Variants in INO80 observed in about 807,000 individuals in gnomAD.
INO80 encodes chromatin-remodeling ATPase INO80.
In INO80, 20 loss-of-function variants were observed where a neutral mutation model predicts 203.4. The ratio of observed to expected loss-of-function variants is 0.10; its 90% CI spans 0.07 to 0.14. The LOEUF is 0.14. INO80 is among the 10% of genes least tolerant of loss of function. The probability of loss-of-function intolerance (pLI) is 1.00; values close to 1 mark genes in which losing one functional copy is unlikely to be tolerated. For synonymous variants in INO80, 726 were observed against 685.2 expected (o/e 1.06, Z -0.93); for missense variants, 1,419 against 1,914.4 (o/e 0.74, Z 4.83).
At chr15:41,075,494 G>A (rs1433425456) in intron 9 of INO80, among the ~76,000 whole-genome samples, 1 of 151,800 alleles carries the variant, frequency 6.6e-6, no homozygotes, top group Non-Finnish European at 1.5e-5. Context: ...TCCCTCTGTC[G>A]CCCAGGCTGG....
chr15:41,032,802 G>A (rs1054162671), intron 24 of INO80, among the ~76,000 whole-genome samples: 2 of 152,092 alleles, frequency 1.3e-5, no homozygotes, highest in African/African-American at 4.8e-5. Flanking sequence ...CACTCTGGGC[G>A]GCTGAGGAGG....
chr15:41,095,835 T>C lies in INO80; in HGVS notation c.237A>G (p.Ser79=), dbSNP rs751522980. Reference sequence around the variant, plus strand: ...CTGCTCCAGAAGTTTCACCAAGCAATGAATTTGGAGGTTCTTCCTTAACTT... The same window carrying C: ...CTGCTCCAGAAGTTTCACCAAGCAACGAATTTGGAGGTTCTTCCTTAACTT... The part of the protein sequence containing the change: ...LIQVKEEPPN[S]LLGETSGAGS... The change falls in exon 3 of 36, where the codon TCA becomes TCG. Residue 79 remains serine, a synonymous_variant. Coordinates refer to ENST00000648947, the MANE Select transcript of INO80 (RefSeq NM_017553.3). 5.0e-6 allele frequency: 8 copies of C among 1,614,002 alleles called. No individual in the cohort carries two copies. The highest frequency in any genetic ancestry group is 3.3e-4 in the Middle Eastern group (2 of 6,084).
intron 13 of INO80, 119 bp downstream of exon 13, chr15:41,070,348 C>T: frequency 2.2e-6 from 2 of 890,920 alleles, no homozygotes; most frequent in Non-Finnish European, 3.5e-6. Flanking sequence ...AGGCAAGAAC[C>T]CAGTCCCACT....
At chr15:41,031,938 CACAGCACAGCACAGCACAGCACAGG>C (rs2044482676) in intron 24 of INO80, among the ~76,000 whole-genome samples, 120 of 76,000 alleles carry the variant, frequency 1.6e-3, no homozygotes, top group African/African-American at 3.4e-3. Context: ...CACAGCACAG[CACAGCACAGCACAGCACAGCACAGG>C]ACAGCACAGC....
chr15:41,051,987 A>T (rs1055458673), intron 19 of INO80, among the ~76,000 whole-genome samples: 4 of 151,948 alleles, frequency 2.6e-5, no homozygotes, highest in Non-Finnish European at 4.4e-5. Context: ...AAAAAATAAA[A>T]AATTAGCCAG....
At chr15:41,111,387 A>G (rs990535327) in intron 1 of INO80, among the ~76,000 whole-genome samples, 7 of 152,180 alleles carry the variant, frequency 4.6e-5, no homozygotes, top group Non-Finnish European at 1.5e-5. Flanking sequence ...CAGAGGTTGC[A>G]GTGAGCCAAG....
At chr15:41,100,658 T>A (rs1252885503) in intron 1 of INO80, among the ~76,000 whole-genome samples, 1 of 152,090 alleles carries the variant, frequency 6.6e-6, no homozygotes, top group African/African-American at 2.4e-5. Flanking sequence ...CCACAAGAAG[T>A]CCTATGATGA....
In INO80 at chr15:41,095,931, A is replaced by G. The variant is rs1035413519; in HGVS notation, c.144-3T>C. ...CCAGTCCATCTTCACTGTCATCACT[A>G]TAAATTGAAGAATGAGTCCACAATT... On this transcript the variant is annotated splice_polypyrimidine_tract_variant and splice_region_variant and intron_variant, in intron 2 of 35. Coordinates refer to ENST00000648947, the MANE Select transcript of INO80 (RefSeq NM_017553.3). The G allele has an allele frequency of 2.5e-6, 4 of 1,612,358 alleles. No homozygotes were observed. The highest frequency in any genetic ancestry group is 1.7e-4 in the Middle Eastern group (1 of 6,060).
intron 4 of INO80, among the ~76,000 whole-genome samples, chr15:41,093,242 T>G (rs1303507050): frequency 6.6e-6 from 1 of 151,634 alleles, no homozygotes; most frequent in Non-Finnish European, 1.5e-5. Context: ...CTGGCTAACA[T>G]GGTGAAACCC....
At chr15:41,112,234 CAGA>C (rs2140718681) in intron 1 of INO80, among the ~76,000 whole-genome samples, 1 of 152,044 alleles carries the variant, frequency 6.6e-6, no homozygotes, top group East Asian at 1.9e-4. Context: ...TTGGGGAAGG[CAGA>C]AGGACTATAA....
intron 1 of INO80, among the ~76,000 whole-genome samples, chr15:41,098,016 G>GT (rs138579978): frequency 4.6e-5 from 7 of 152,050 alleles, no homozygotes; most frequent in East Asian, 1.9e-4. Context: ...ATTTGTGGCG[G>GT]TTTTTTTGTA....
intron 4 of INO80, among the ~76,000 whole-genome samples, chr15:41,093,359 A>C (rs1050379553): frequency 6.6e-6 from 1 of 152,074 alleles, no homozygotes; most frequent in Admixed American, 6.6e-5. Flanking sequence ...CAGGAGGGAG[A>C]GGTTGCAGTG....
chr15:41,086,706 G>GA (rs1288583723), intron 6 of INO80, among the ~76,000 whole-genome samples: 1 of 150,716 alleles, frequency 6.6e-6, no homozygotes, highest in Non-Finnish European at 1.5e-5. Flanking sequence ...GCCTCACAAA[G>GA]ATAGTTTAAA....
intron 26 of INO80, chr15:41,018,447 T>C (rs1380798681): frequency 2.6e-5 from 4 of 152,214 alleles, no homozygotes; most frequent in Admixed American, 2.6e-4. Flanking sequence ...CTAACATGAC[T>C]AAAGGAGGCA....
chr15:40,987,043 C>G, intron 31 of INO80, 48 bp downstream of exon 31: 1 of 1,098,052 alleles, frequency 9.1e-7, no homozygotes. Flanking sequence ...AGTACCTCTT[C>G]CATTCTCAGA....
chr15:40,983,642 G>A, intron 34 of INO80, 120 bp downstream of exon 34: 1 of 855,768 alleles, frequency 1.2e-6, no homozygotes, highest in South Asian at 2.2e-5. Context: ...CATTTCACTT[G>A]ACAAAGCTAT....
rs1566928402 is a variant in INO80 at position 41,050,058 on chromosome 15, C to G, written c.2319G>C (p.Leu773=). The change falls in exon 20 of 36, where the codon CTG becomes CTC. Residue 773 remains leucine (L), a synonymous_variant. Transcript: ENST00000648947. ...MYCQLTSRQK[L]LYQALKNKIS... is the part of the protein sequence containing the mutation. Reference sequence around the variant, plus strand: ...TTTTGTTCTTTAGTGCCTGATATAGCAGCTTCTGTCGGCTGGTCAGTTGGC... The same window carrying G: ...TTTTGTTCTTTAGTGCCTGATATAGGAGCTTCTGTCGGCTGGTCAGTTGGC... The G allele has an allele frequency of 6.2e-7, 1 of 1,613,784 alleles. No individual in the cohort carries two copies. Among genetic ancestry groups the G allele is most frequent in the Non-Finnish European group, 8.5e-7 (1 of 1,179,676 alleles).
rs1310642510 is a variant in INO80 at position 41,096,218 on chromosome 15, C to T, written c.93G>A (p.Leu31=). The T allele has an allele frequency of 6.2e-7, 1 of 1,613,124 alleles. No individual in the cohort carries two copies. The highest frequency in any genetic ancestry group is 8.5e-7 in the Non-Finnish European group (1 of 1,179,794). ...YLQYLERALR[L]DHFLRQTSAI... ...CTGACGTTTGTCGCAGAAAATGGTC[C>T]AACCGGAGGGCCCTCTCCAAGTACT... Residue 31 remains leucine (L), a synonymous_variant, in exon 2 of 36, where the codon TTG becomes TTA. Transcript: ENST00000648947.
At chr15:41,046,811 T>A (rs2044776041) in intron 23 of INO80, among the ~76,000 whole-genome samples, 1 of 151,562 alleles carries the variant, frequency 6.6e-6, no homozygotes, top group Non-Finnish European at 1.5e-5. Flanking sequence ...AGAAATGGGG[T>A]TTCACCATGT....
Sources: gnomAD v4.1 joint callset for allele counts (sites outside exome capture counted in the v4.1 genomes callset) on GRCh38, gnomAD v4.1.1 for gene constraint, MANE v1.5 for transcripts, NCBI Gene and HGNC (gene_info 2026-07-23, HGNC 2026-07-21) for gene names.